The following JAG1 variants were observed in gnomAD, a reference collection of about 807,000 sequenced individuals.
The protein encoded by JAG1 is jagged canonical Notch ligand 1.
Under a neutral mutation model 148.7 loss-of-function variants are expected in JAG1, and 23 were observed. That is an observed-to-expected ratio of 0.15 (90% CI 0.11 to 0.22). The LOEUF (loss-of-function observed/expected upper bound fraction) is 0.22, where lower values mean the gene tolerates loss of function less well. JAG1 is among the 10% of genes least tolerant of loss of function. JAG1 has a pLI of 1.00. For synonymous variants in JAG1, 572 were observed against 598.3 expected, an observed-to-expected ratio of 0.96 and a Z score of 0.64; for missense variants, 1,054 against 1,611.2, an observed-to-expected ratio of 0.65 and a Z score of 5.92.
intron 2 of JAG1, among the ~76,000 whole-genome samples, chr20:10,669,938 A>G (rs1056019339): frequency 6.6e-6 from 1 of 152,168 alleles, no homozygotes; most frequent in Non-Finnish European, 1.5e-5. Flanking sequence ...TGGTCCCCCA[A>G]TTTGAGAATC....
intron 5 of JAG1, among the ~76,000 whole-genome samples, chr20:10,652,923 G>C (rs1397564371): frequency 6.6e-6 from 1 of 152,028 alleles, no homozygotes; most frequent in African/African-American, 2.4e-5. Flanking sequence ...CGTGCACCTA[G>C]TTGCGACAGA....
At position 10,670,099 on chromosome 20, in the gene JAG1, C is replaced by T. The variant is rs576953046; in HGVS notation, c.387+2602G>A. On this transcript the variant is annotated intron_variant, in intron 2 of 25. Coordinates refer to ENST00000254958, the MANE Select transcript of JAG1 (RefSeq NM_000214.3). ...CAGATATGATATATGACAGGAAGGG[C>T]CACCTCTACAAAGCCTTTCACATGC... Among the ~76,000 whole-genome samples the T allele has an allele frequency of 4.6e-5, 7 of 152,244 alleles. No individual in the cohort carries two copies. The South Asian group carries it at 1.2e-3, about 27-fold the overall frequency.
Position 10,648,648 on chromosome 20 carries a change from T to G in JAG1, c.1470A>C (p.Glu490Asp), listed in dbSNP as rs1263846258. The change falls in exon 12 of 26, where the codon GAA (glutamate) becomes GAC (aspartate). Residue 490 changes from glutamate (E) to aspartate (D), a missense_variant. Physicochemically the swap from Glu to Asp is conservative, Grantham distance 45. This residue lies in a region of JAG1 where 245 missense variants were observed against 373.1 expected (regional missense o/e 0.66). Coordinates refer to ENST00000254958, the MANE Select transcript of JAG1 (RefSeq NM_000214.3). ...AGDHCERDID[E>D]CASNPCLNGG... The stretch of plus-strand genomic sequence containing the variant: ...CATTCAAACAGGGGTTGCTGGCACA[T>G]TCATCGATGTCTCTCTCACAGTGAT... 4.3e-6 allele frequency: 7 copies of G among 1,614,138 alleles called. No individual in the cohort carries two copies. The South Asian group carries it at 7.7e-5, about 18-fold the overall frequency.
chr20:10,639,827 T>C lies in JAG1; in HGVS notation c.3328A>G (p.Asn1110Asp). The C allele has an allele frequency of 1.2e-6, 2 of 1,614,206 alleles. No homozygotes were observed. Among genetic ancestry groups the C allele is most frequent in the Non-Finnish European group, 1.7e-6 (2 of 1,180,038 alleles). The change falls in exon 26 of 26, where the codon AAC (asparagine) becomes GAC (aspartate). Residue 1110 changes from asparagine to aspartate, a missense_variant. By Grantham distance (23) the Asn-to-Asp change is conservative. This residue lies in a region of JAG1 where 177 missense variants were observed against 177.3 expected (regional missense o/e 1.00). Transcript: ENST00000254958. ...TGCTCCCGCACGTTGTTGGTGGTGT[T>C]GTCCTCAGAGGCTGAGTGTGTGTGG... ...GSHTHSASED[N>D]TTNNVREQLN...
chr20:10,656,869 CT>C (rs894436556), intron 4 of JAG1, among the ~76,000 whole-genome samples: 12 of 114,144 alleles, frequency 1.1e-4, no homozygotes, highest in Non-Finnish European at 1.9e-4. Flanking sequence ...GAGCCTCAGC[CT>C]TTAAAAAAAA....
chr20:10,673,434 G>T lies in JAG1; in HGVS notation c.81+16C>A. ...GAGAGGACGGCTGGGAGGGAGGCCC[G>T]GAGAAGGGCTCCTACCTTGGCTCGC... On this transcript the variant is annotated intron_variant, in intron 1 of 25. Coordinates refer to ENST00000254958, the MANE Select transcript of JAG1 (RefSeq NM_000214.3). The surrounding 1 kb of genome is among the most constrained non-coding windows in gnomAD (Gnocchi z 4.7). 1 of 1,448,664 alleles carries T rather than the reference G, an allele frequency of 6.9e-7. No individual in the cohort carries two copies. The highest frequency in any genetic ancestry group is 9.1e-7 in the Non-Finnish European group (1 of 1,100,022). 89.7% of individuals were successfully genotyped at this position (1,448,664 alleles called of 1,614,324 possible). A position where few individuals can be genotyped will look rare whatever the true frequency, so the allele number is the denominator to read the frequency against.
chr20:10,657,785 C>G (rs2067388450), intron 4 of JAG1, among the ~76,000 whole-genome samples: 1 of 152,168 alleles, frequency 6.6e-6, no homozygotes, highest in South Asian at 2.1e-4. Flanking sequence ...AATAGGAAAG[C>G]TTGAGCTAAC....
Position 10,673,526 on chromosome 20 carries a change from C to T in JAG1, c.5G>A (p.Arg2His), listed in dbSNP as rs1026004197. 4 of 1,243,774 alleles carry T rather than the reference C, an allele frequency of 3.2e-6. No homozygotes were observed. The highest frequency in any genetic ancestry group is 4.3e-5 in the Admixed American group (1 of 23,478). 77.0% of individuals were successfully genotyped at this position (1,243,774 alleles called of 1,614,324 possible). M[R>H]SPRTRGRSGR... ...GGACCGGCCGCGCGTCCGTGGGGAA[C>T]GCATCGCTGCGCCGCGCGCCGCGGG... The change falls in exon 1 of 26, where the codon CGT becomes CAT. Residue 2 changes from arginine to histidine, a missense_variant. By Grantham distance (29) the Arg-to-His change is conservative (BLOSUM62 0). Transcript: ENST00000254958. This position sits in a 1 kb window ranked among gnomAD's most constrained non-coding sequence, Gnocchi z 4.7.
chr20:10,659,038 TCTGC>T (rs1210393202), intron 3 of JAG1, among the ~76,000 whole-genome samples: 2 of 152,228 alleles, frequency 1.3e-5, no homozygotes, highest in African/African-American at 4.8e-5. Context: ...CTTGAACGTA[TCTGC>T]CTGTGTATGG....
chr20:10,658,349 A>G, intron 4 of JAG1, 119 bp downstream of exon 4: 1 of 1,343,568 alleles, frequency 7.4e-7, no homozygotes, highest in Non-Finnish European at 1.1e-6. Context: ...GCAGGCCCAG[A>G]ATAACAGCCA....
chr20:10,653,814 C>T (rs1357292798), intron 5 of JAG1, among the ~76,000 whole-genome samples: 1 of 152,144 alleles, frequency 6.6e-6, no homozygotes, highest in Non-Finnish European at 1.5e-5. Flanking sequence ...TAGCTAATCA[C>T]CCACGGCTGA....
At chr20:10,660,967 C>T (rs1337653163) in intron 3 of JAG1, among the ~76,000 whole-genome samples, 1 of 152,196 alleles carries the variant, frequency 6.6e-6, no homozygotes, top group Non-Finnish European at 1.5e-5. Context: ...ACCCAAAAAC[C>T]TGGAAGGGGG....
chr20:10,647,348 G>A (rs2067316191), intron 13 of JAG1: 1 of 565,374 alleles, frequency 1.8e-6, no homozygotes, highest in Non-Finnish European at 3.2e-6. Flanking sequence ...CCACATGCTT[G>A]TGGATCCCCT....
In JAG1 at chr20:10,648,224, T is replaced by C. The variant is rs1440587162; in HGVS notation, c.1570-114A>G. 14 of 1,227,932 alleles carry C rather than the reference T, an allele frequency of 1.1e-5. No homozygotes were observed. The East Asian group carries it at 2.6e-4, about 23-fold the overall frequency. 76.1% of individuals were successfully genotyped at this position (1,227,932 alleles called of 1,614,324 possible). On this transcript the variant is annotated intron_variant, in intron 12 of 25. Transcript: ENST00000254958. ...ATCTGACAGTTCCTTCGGTTTCTAT[T>C]AGGAGACACCCTGTAAGATACATCT... is the stretch of plus-strand genomic sequence containing the variant.
chr20:10,642,809 A>G (rs185625075), intron 20 of JAG1, among the ~76,000 whole-genome samples: 2 of 152,352 alleles, frequency 1.3e-5, no homozygotes, highest in African/African-American at 4.8e-5. Context: ...CTGAGTTCTA[A>G]CAGTGGAGAA....
At position 10,639,384 on chromosome 20, in the gene JAG1, A is replaced by G; in HGVS notation, c.*114T>C. 9.8e-7 allele frequency: 1 copy of G among 1,018,054 alleles called. No homozygotes were observed. The allele number at this position is 1,018,054 out of a possible 1,614,324, so 63.1% of individuals were successfully genotyped here. ...AGTGTAAGCCAGCTTGTCAAAACTT[A>G]AATTAACACAGGGATTCTAAGTCAG... is the stretch of plus-strand genomic sequence containing the variant. On this transcript the variant is annotated 3_prime_UTR_variant, in exon 26 of 26. Transcript: ENST00000254958.
chr20:10,643,703 A>G, intron 20 of JAG1, 75 bp downstream of exon 20: 2 of 1,143,866 alleles, frequency 1.7e-6, no homozygotes, highest in Non-Finnish European at 2.6e-6. Flanking sequence ...TTGTTTTTAA[A>G]GATGAAAGTC....
rs863223680 is a variant in JAG1 at position 10,645,363 on chromosome 20, G to A, written c.2106C>T (p.Cys702=). Residue 702 remains cysteine (C), a synonymous_variant, in exon 16 of 26, where the codon TGC becomes TGT. Coordinates refer to ENST00000254958, the MANE Select transcript of JAG1 (RefSeq NM_000214.3). This position sits in a 1 kb window ranked among gnomAD's most constrained non-coding sequence, Gnocchi z 6.1. ...AGGCCAACTACCACTTACGTGAGTG[G>A]CAGGTCTTTCCTTTCCACCCATTTT... The part of the protein sequence containing the change: ...DCKNGWKGKT[C]HSRDSQCDEA... 5 of 1,612,178 alleles carry A rather than the reference G, an allele frequency of 3.1e-6. No individual in the cohort carries two copies. The highest frequency in any genetic ancestry group is 1.7e-5 in the Admixed American group (1 of 59,842).
intron 2 of JAG1, among the ~76,000 whole-genome samples, chr20:10,670,766 TC>T (rs1405699586): frequency 6.6e-6 from 1 of 152,080 alleles, no homozygotes; most frequent in Non-Finnish European, 1.5e-5. Flanking sequence ...CCATCGGTCT[TC>T]CCCCATTCGA....
Sources: gnomAD v4.1 joint callset for allele counts (sites outside exome capture counted in the v4.1 genomes callset) on GRCh38, gnomAD v4.1.1 for gene constraint, gnomAD v4.1.1 regional missense constraint, Gnocchi (gnomAD v3.1) non-coding constraint, MANE v1.5 for transcripts, NCBI Gene and HGNC (gene_info 2026-07-23, HGNC 2026-07-21) for gene names.